Variants in COQ3 observed in about 807,000 individuals in gnomAD.
COQ3 encodes coenzyme Q3, methyltransferase.
Under a neutral mutation model 33.1 loss-of-function variants are expected in COQ3, and 29 were observed. That is an observed-to-expected ratio of 0.88 (90% CI 0.65 to 1.19). The LOEUF (loss-of-function observed/expected upper bound fraction) is 1.19. COQ3 is among the 50% of genes most tolerant of loss of function. COQ3 has a pLI of 0.00. For missense variants in COQ3, 437 were observed against 430.7 expected, an observed-to-expected ratio of 1.01 and a Z score of -0.13; for synonymous variants, 173 against 157.8, an observed-to-expected ratio of 1.10 and a Z score of -0.72.
intron 1 of COQ3, among the ~76,000 whole-genome samples, chr6:99,391,705 A>C (rs970813524): frequency 1.3e-5 from 2 of 152,154 alleles, no homozygotes; most frequent in African/African-American, 4.8e-5. Flanking sequence ...AGAGGTTTAA[A>C]AATCATCTTA....
At chr6:99,380,420 T>C (rs1048781308) in intron 2 of COQ3, 79 bp from the exon 3 acceptor site, 11 of 1,422,560 alleles carry the variant, frequency 7.7e-6, no homozygotes, top group Non-Finnish European at 9.7e-6. Context: ...TGTAGAAAGA[T>C]AGTCTTATTT....
At position 99,377,484 on chromosome 6, in the gene COQ3, C is replaced by A. The variant is rs1348026226; in HGVS notation, c.388G>T (p.Asp130Tyr). 3 of 1,599,802 alleles carry A rather than the reference C, an allele frequency of 1.9e-6. No individual in the cohort carries two copies. Among genetic ancestry groups the A allele is most frequent in the Non-Finnish European group, 2.6e-6 (3 of 1,172,936 alleles). The change falls in exon 4 of 7, where the codon GAC (aspartate) becomes TAC (tyrosine). Residue 130 changes from aspartate (D) to tyrosine (Y), a missense_variant and splice_region_variant. Transcript: ENST00000254759. ...TTAGGAATTGTTTTCAGAAGATTGT[C>A]CCTTTTTTAAAAAATTCAAAACATA... ...MNDLRVPFIR[D>Y]NLLKTIPNHQ...
At chr6:99,389,096 C>T (rs182119980) in intron 1 of COQ3, among the ~76,000 whole-genome samples, 1 of 152,048 alleles carries the variant, frequency 6.6e-6, no homozygotes, top group East Asian at 1.9e-4. Context: ...CATGGAAATT[C>T]TCTCTGTGTG....
intron 1 of COQ3, among the ~76,000 whole-genome samples, chr6:99,386,824 G>C (rs1774665978): frequency 6.6e-6 from 1 of 152,124 alleles, no homozygotes; most frequent in South Asian, 2.1e-4. Context: ...TCCAGTCTCG[G>C]ATGGCTTCGC....
intron 6 of COQ3, among the ~76,000 whole-genome samples, chr6:99,370,277 T>C (rs1774090550): frequency 6.6e-6 from 1 of 151,956 alleles, no homozygotes; most frequent in East Asian, 1.9e-4. Context: ...CAGGAGATTG[T>C]CCCCATAACA....
intron 3 of COQ3, among the ~76,000 whole-genome samples, chr6:99,378,105 C>CATATATAT (rs57039767): frequency 5.2e-5 from 4 of 77,562 alleles, no homozygotes; most frequent in African/African-American, 1.3e-4. Context: ...GTAAACTAAA[C>CATATATAT]ATATATATAT....
chr6:99,393,816 G>A (rs1176950797), intron 1 of COQ3, among the ~76,000 whole-genome samples: 1 of 152,244 alleles, frequency 6.6e-6, no homozygotes, highest in East Asian at 1.9e-4. Flanking sequence ...CCTGGGGCAA[G>A]GAGCTCAGCC....
chr6:99,380,341 C>A lies in COQ3; in HGVS notation c.234G>T (p.Arg78Ser). The change falls in exon 3 of 7, where the codon AGG becomes AGT. Residue 78 changes from arginine to serine, a missense_variant and splice_region_variant. Transcript: ENST00000254759. Reference protein sequence around the residue: ...FSCLNRIKSFRYPWARLYSTS... With the variant: ...FSCLNRIKSFSYPWARLYSTS... Reference sequence around the variant, plus strand: ...TACTGTACAGTCTCGCCCAAGGGTACCTAAAAGGTGAAAATGAAGAACCAA... The same window carrying A: ...TACTGTACAGTCTCGCCCAAGGGTAACTAAAAGGTGAAAATGAAGAACCAA... 1 of 1,612,068 alleles carries A rather than the reference C, an allele frequency of 6.2e-7. No homozygotes were observed. The highest frequency in any genetic ancestry group is 8.5e-7 in the Non-Finnish European group (1 of 1,179,062).
intron 4 of COQ3, 72 bp downstream of exon 4, chr6:99,377,314 A>G: frequency 1.8e-6 from 2 of 1,139,766 alleles, no homozygotes; most frequent in African/African-American, 1.5e-5. Flanking sequence ...TTGTTGAAAG[A>G]ATAAATGAGG....
chr6:99,377,525 A>T, intron 3 of COQ3, 40 bp from the exon 4 acceptor site: 3 of 1,430,774 alleles, frequency 2.1e-6, no homozygotes, highest in Non-Finnish European at 2.9e-6. Flanking sequence ...ACAAATAATT[A>T]ATTTTATCAA....
chr6:99,391,554 T>C (rs2128474306), intron 1 of COQ3, among the ~76,000 whole-genome samples: 1 of 151,908 alleles, frequency 6.6e-6, no homozygotes, highest in South Asian at 2.1e-4. Context: ...TAACGACATA[T>C]AAGGTATTAC....
intron 1 of COQ3, among the ~76,000 whole-genome samples, chr6:99,390,620 C>T (rs958030984): frequency 1.3e-5 from 2 of 152,176 alleles, no homozygotes; most frequent in African/African-American, 4.8e-5. Context: ...GCGTGAGCCA[C>T]GCGCCCAGTC....
rs1300120679 is a variant in COQ3, at chr6:99,376,054, C to G, written c.615G>C (p.Leu205=). 24 of 1,613,996 alleles carry G rather than the reference C, an allele frequency of 1.5e-5. No individual in the cohort carries two copies. The highest frequency in any genetic ancestry group is 1.9e-5 in the Non-Finnish European group (22 of 1,179,998). The change falls in exon 5 of 7, where the codon CTG becomes CTC. Residue 205 remains leucine, a synonymous_variant. Coordinates refer to ENST00000254759, the MANE Select transcript of COQ3 (RefSeq NM_017421.4). ...DKRIEYRVCS[L]EEIVEETAET... ...CTGCAGTCTCTTCCACAATCTCTTCCAGGGAACACACTCTGTACTCTATTC... is the reference window on the plus strand; with the variant it reads ...CTGCAGTCTCTTCCACAATCTCTTCGAGGGAACACACTCTGTACTCTATTC...
At chr6:99,384,836 C>T (rs561914581) in intron 1 of COQ3, among the ~76,000 whole-genome samples, 33 of 152,118 alleles carry the variant, frequency 2.2e-4, no homozygotes, top group Non-Finnish European at 3.2e-4. Flanking sequence ...ACCAGCAAGG[C>T]GCAGTGGCTC....
At chr6:99,388,925 ACACACACACC>A (rs769000816) in intron 1 of COQ3, among the ~76,000 whole-genome samples, 11,697 of 133,554 alleles carry the variant, frequency 0.088, 576 homozygotes, top group Middle Eastern at 0.13. Context: ...ACACACACAC[ACACACACACC>A]CACATCCTCA....
chr6:99,370,966 A>T (rs1774126904), intron 6 of COQ3, among the ~76,000 whole-genome samples: 1 of 152,192 alleles, frequency 6.6e-6, no homozygotes, highest in Non-Finnish European at 1.5e-5. Context: ...AAAGGATGAA[A>T]AAAACCACCA....
At position 99,371,559 on chromosome 6, in the gene COQ3, A is replaced by C; in HGVS notation, c.758T>G (p.Ile253Ser). Residue 253 changes from isoleucine to serine, a missense_variant, in exon 6 of 7, where the codon ATC becomes AGC. Transcript: ENST00000254759. ...KPGGSLFITT[I>S]NKTQLSYALG... Reference sequence around the variant, plus strand: ...GGCATAGGAAAGTTGTGTTTTGTTGATTGTAGTAATGAATAAAGAACCACC... The same window carrying C: ...GGCATAGGAAAGTTGTGTTTTGTTGCTTGTAGTAATGAATAAAGAACCACC... The C allele has an allele frequency of 6.2e-7, 1 of 1,602,616 alleles. No homozygotes were observed. The highest frequency in any genetic ancestry group is 8.5e-7 in the Non-Finnish European group (1 of 1,175,086).
intron 5 of COQ3, 92 bp downstream of exon 5, chr6:99,375,848 A>T: frequency 7.4e-7 from 1 of 1,351,502 alleles, no homozygotes; most frequent in Non-Finnish European, 1.0e-6. Context: ...TGCCTGCTGG[A>T]CTGCTAATGC....
Position 99,383,618 on chromosome 6 carries a change from G to A in COQ3, c.233+80C>T, listed in dbSNP as rs185551210. On this transcript the variant is annotated intron_variant, in intron 2 of 6. Transcript: ENST00000254759. Reference sequence around the variant, plus strand: ...CAAGACACATGGACTATTACATACTGACTGGGTTTATTAAAGATAATACTA... The same window carrying A: ...CAAGACACATGGACTATTACATACTAACTGGGTTTATTAAAGATAATACTA... The A allele has an allele frequency of 1.7e-5, 19 of 1,094,496 alleles. No homozygotes were observed. In the Admixed American group the frequency reaches 3.0e-4, roughly 17 times the overall value. 67.8% of individuals were successfully genotyped at this position (1,094,496 alleles called of 1,614,324 possible). A position where few individuals can be genotyped will look rare whatever the true frequency, so the allele number is the denominator to read the frequency against.
Sources: allele counts gnomAD v4.1 joint callset (sites outside exome capture counted in the v4.1 genomes callset), GRCh38; gene constraint gnomAD v4.1.1; transcripts MANE v1.5; gene names NCBI Gene and HGNC (gene_info 2026-07-23, HGNC 2026-07-21).